RPH3AL: variants seen among roughly 807,000 people sequenced by gnomAD.
RPH3AL encodes rabphilin 3A like (without C2 domains).
RPH3AL carries 38 observed loss-of-function variants against 43.1 expected under a neutral mutation model. The observed-to-expected ratio is 0.88, with a 90% confidence interval of 0.68 to 1.15. The LOEUF (loss-of-function observed/expected upper bound fraction) is 1.15, where lower values mean the gene tolerates loss of function less well. Ranked by LOEUF, RPH3AL falls within the 50% of genes most tolerant of loss-of-function variation. The pLI is 0.00. For missense variants in RPH3AL, 462 were observed against 423.2 expected (o/e 1.09, Z -0.81); for synonymous variants, 189 against 176.3 (o/e 1.07, Z -0.57).
Position 275,949 on chromosome 17 carries a change from G to A in RPH3AL, c.438+5819C>T, listed in dbSNP as rs555282266. ...GGACTAGAGTGTGCCAGTCCACAGC[G>A]GGAATGGAATGGAAAGTCCAGAGCT... On this transcript the variant is annotated intron_variant, in intron 6 of 9. Coordinates refer to ENST00000331302, the MANE Select transcript of RPH3AL (RefSeq NM_006987.4). 1.1e-4 allele frequency among the ~76,000 whole-genome samples: 16 copies of A among 152,306 alleles called. No homozygotes were observed. The South Asian group carries it at 2.9e-3, about 28-fold the overall frequency.
chr17:339,212 G>T (rs536309578), intron 1 of RPH3AL: 1 of 152,324 alleles, frequency 6.6e-6, no homozygotes, highest in Admixed American at 6.5e-5. Context: ...CAAGCTGTCC[G>T]GTTCTCTGCA....
At chr17:327,333 T>C (rs1793086740) in intron 3 of RPH3AL, 134 bp downstream of exon 3, 2 of 741,904 alleles carry the variant, frequency 2.7e-6, no homozygotes, top group East Asian at 2.6e-5. Context: ...GGGCCTGGAG[T>C]GTGGCATGCA....
At chr17:281,915 C>T in intron 5 of RPH3AL, 61 bp from the exon 6 acceptor site, 2 of 1,294,398 alleles carry the variant, frequency 1.5e-6, no homozygotes, top group Non-Finnish European at 2.3e-6. Context: ...CGCCGAGGGG[C>T]TCAGACAACT....
At chr17:258,755 CCGTTTT>C (rs2042127943) in intron 6 of RPH3AL, among the ~76,000 whole-genome samples, 1 of 127,434 alleles carries the variant, frequency 7.8e-6, no homozygotes, top group African/African-American at 2.9e-5. Context: ...GATAGTCAAC[CCGTTTT>C]TTTTTTTTTT....
chr17:247,309 T>C, intron 6 of RPH3AL, 24 bp from the exon 7 acceptor site: 1 of 1,544,074 alleles, frequency 6.5e-7, no homozygotes, highest in Non-Finnish European at 8.7e-7. Context: ...GAGAGCTGCT[T>C]GGGGCACAGG....
chr17:308,261 G>A (rs2043552203), intron 5 of RPH3AL, among the ~76,000 whole-genome samples: 2 of 152,358 alleles, frequency 1.3e-5, no homozygotes, highest in South Asian at 4.1e-4. Context: ...AAAGGGAGTA[G>A]GGGACAGGGC....
intron 7 of RPH3AL, among the ~76,000 whole-genome samples, chr17:220,069 C>T (rs909805686): frequency 6.6e-6 from 1 of 151,910 alleles, no homozygotes; most frequent in African/African-American, 2.4e-5. Context: ...GTGTCGGAGG[C>T]TGATTATCAC....
At chr17:227,675 T>C (rs779297293) in intron 7 of RPH3AL, among the ~76,000 whole-genome samples, 16 of 152,020 alleles carry the variant, frequency 1.1e-4, no homozygotes, top group Non-Finnish European at 2.2e-4. Context: ...GGGGAGATGC[T>C]CCCACTGGGC....
In RPH3AL at chr17:328,198, C is replaced by T. The variant is rs887317803; in HGVS notation, c.-36-619G>A. On this transcript the variant is annotated intron_variant, in intron 2 of 9. Coordinates refer to ENST00000331302, the MANE Select transcript of RPH3AL (RefSeq NM_006987.4). The surrounding 1 kb of genome is among the most constrained non-coding windows in gnomAD (Gnocchi z 4.2). ...ATGAAAATGGCACCTGGGGATCCCC[C>T]AGGGAGGTGGCCCTGCTCCAGGACC... Among the ~76,000 whole-genome samples, 1 of 151,818 alleles carries T rather than the reference C, an allele frequency of 6.6e-6. No homozygotes were observed. The highest frequency in any genetic ancestry group is 1.9e-4 in the East Asian group (1 of 5,168).
At position 245,288 on chromosome 17, in the gene RPH3AL, GGTGT is replaced by G. The variant is rs570627990; in HGVS notation, c.613+1819_613+1822del. Among the ~76,000 whole-genome samples the G allele has an allele frequency of 7.5e-6, 1 of 132,730 alleles. No homozygotes were observed. The highest frequency in any genetic ancestry group is 2.8e-5 in the African/African-American group (1 of 35,650). 87.1% of individuals were successfully genotyped at this position (132,730 alleles called of 152,430 possible). A position where few individuals can be genotyped will look rare whatever the true frequency, so the allele number is the denominator to read the frequency against. Reference sequence around the variant, plus strand: ...GTGGATGTCAGTGTGTGTGTACGTGGGTGTGTGTGTGGATGTGTGTGTGGATGTG... The same window carrying G: ...GTGGATGTCAGTGTGTGTGTACGTGGGTGTGTGGATGTGTGTGTGGATGTG... On this transcript the variant is annotated intron_variant, in intron 7 of 9. Transcript: ENST00000331302. The surrounding 1 kb of genome is among the most constrained non-coding windows in gnomAD (Gnocchi z 5.9).
chr17:255,953 T>C (rs370225736), intron 6 of RPH3AL, among the ~76,000 whole-genome samples: 116 of 1,418 alleles, frequency 0.082, 12 homozygotes, highest in Middle Eastern at 0.5. Flanking sequence ...TCCCTAGGAA[T>C]ATGACTACCC....
At chr17:267,213 G>T (rs2042345207) in intron 6 of RPH3AL, among the ~76,000 whole-genome samples, 2 of 152,222 alleles carry the variant, frequency 1.3e-5, no homozygotes, top group Admixed American at 6.5e-5. Flanking sequence ...TGCTCTTAAT[G>T]ACTTGTGTTG....
chr17:281,326 A>G (rs1337738806), intron 6 of RPH3AL, among the ~76,000 whole-genome samples: 1 of 152,158 alleles, frequency 6.6e-6, no homozygotes, highest in East Asian at 1.9e-4. Flanking sequence ...GGGGATAAGA[A>G]TAGCACCACT....
At chr17:271,331 A>G (rs954565364) in intron 6 of RPH3AL, among the ~76,000 whole-genome samples, 1 of 152,214 alleles carries the variant, frequency 6.6e-6, no homozygotes, top group African/African-American at 2.4e-5. Context: ...TGGTAGCCTG[A>G]TGGGGATGGC....
At position 213,538 on chromosome 17, in the gene RPH3AL, C is replaced by G. The variant is rs2040720595; in HGVS notation, c.*314G>C. ...CCCTCTGACACTGCATGTGGGAAACCCCCCAGCCCAACCCAAGACACGCGC... is the reference window on the plus strand; with the variant it reads ...CCCTCTGACACTGCATGTGGGAAACGCCCCAGCCCAACCCAAGACACGCGC... On this transcript the variant is annotated 3_prime_UTR_variant, in exon 10 of 10. Transcript: ENST00000331302. 2.1e-6 allele frequency: 1 copy of G among 474,630 alleles called. No individual in the cohort carries two copies. The highest frequency in any genetic ancestry group is 3.6e-5 in the Admixed American group (1 of 27,858). The allele number at this position is 474,630 out of a possible 1,614,324, so 29.4% of individuals were successfully genotyped here.
At chr17:307,627 C>A (rs767413306) in intron 5 of RPH3AL, among the ~76,000 whole-genome samples, 54 of 152,216 alleles carry the variant, frequency 3.5e-4, no homozygotes, top group Admixed American at 1.6e-3. Context: ...GGGGACAGGT[C>A]ATGCAAAGCT....
At chr17:293,139 C>T (rs4561533) in intron 5 of RPH3AL, among the ~76,000 whole-genome samples, 9,303 of 152,128 alleles carry the variant, frequency 0.061, 577 homozygotes, top group East Asian at 0.25. Context: ...GGACCACCTG[C>T]GAGCCTCAGG....
At chr17:342,878 A>G (rs1371801061) in intron 1 of RPH3AL, among the ~76,000 whole-genome samples, 1 of 152,238 alleles carries the variant, frequency 6.6e-6, no homozygotes, top group Admixed American at 6.5e-5. Context: ...TCATTGACCA[A>G]CCAGCCAGAC....
chr17:228,120 G>A (rs991551045), intron 7 of RPH3AL, among the ~76,000 whole-genome samples: 1 of 152,190 alleles, frequency 6.6e-6, no homozygotes, highest in Non-Finnish European at 1.5e-5. Context: ...GGGGAGCCTG[G>A]GGTGGGGGAG....
Sources: gnomAD v4.1 joint callset for allele counts (sites outside exome capture counted in the v4.1 genomes callset) on GRCh38, gnomAD v4.1.1 for gene constraint, Gnocchi (gnomAD v3.1) non-coding constraint, MANE v1.5 for transcripts, NCBI Gene and HGNC (gene_info 2026-07-23, HGNC 2026-07-21) for gene names.